MOB1B: variants seen among roughly 807,000 people sequenced by gnomAD.
The protein encoded by MOB1B is MOB kinase activator 1B.
Under a neutral mutation model 24.4 loss-of-function variants are expected in MOB1B, and 19 were observed. That is an observed-to-expected ratio of 0.78 (90% CI 0.54 to 1.14). The LOEUF (loss-of-function observed/expected upper bound fraction) is 1.14, where lower values mean the gene tolerates loss of function less well. Ranked by LOEUF, MOB1B falls within the 50% of genes most tolerant of loss-of-function variation. The pLI, the probability that MOB1B is intolerant of heterozygous loss-of-function variation, is 0.00. For synonymous variants in MOB1B, 76 were observed against 82.1 expected, an observed-to-expected ratio of 0.93 and a Z score of 0.40; for missense variants, 243 against 259.6, an observed-to-expected ratio of 0.94 and a Z score of 0.44.
In MOB1B at chr4:70,958,919, A is replaced by C. The variant is rs1738183159; in HGVS notation, c.60A>C (p.Pro20=). Residue 20 remains proline (P), a synonymous_variant, in exon 2 of 6, where the codon CCA becomes CCC. Transcript: ENST00000309395. The part of the protein sequence containing the change: ...SKTFKPKKNI[P]EGSHQYELLK... The stretch of plus-strand genomic sequence containing the variant: ...CTTTTAAACCAAAGAAGAACATTCC[A>C]GAGGGTTCTCACCAGTATGAGCTCT... 6.2e-7 allele frequency: 1 copy of C among 1,613,896 alleles called. No individual in the cohort carries two copies. Among genetic ancestry groups the C allele is most frequent in the Admixed American group, 1.7e-5 (1 of 59,978 alleles).
At chr4:70,949,379 A>T (rs1201001423) in intron 1 of MOB1B, among the ~76,000 whole-genome samples, 1 of 152,214 alleles carries the variant, frequency 6.6e-6, no homozygotes, top group Admixed American at 6.5e-5. Context: ...TTCAATACTC[A>T]TAGCTTTTAG....
intron 2 of MOB1B, among the ~76,000 whole-genome samples, chr4:70,968,175 A>C (rs907408542): frequency 6.6e-6 from 1 of 152,126 alleles, no homozygotes; most frequent in Non-Finnish European, 1.5e-5. Context: ...AAATTTATAC[A>C]TGTCAAAAGT....
intron 1 of MOB1B, among the ~76,000 whole-genome samples, chr4:70,927,067 G>A (rs780271025): frequency 2.6e-5 from 4 of 151,636 alleles, no homozygotes; most frequent in Non-Finnish European, 4.4e-5. Context: ...GGAGACCAGC[G>A]TGTTACATAG....
intron 2 of MOB1B, among the ~76,000 whole-genome samples, chr4:70,963,829 A>G (rs1738398744): frequency 6.7e-6 from 1 of 148,916 alleles, no homozygotes; most frequent in South Asian, 2.1e-4. Context: ...CAAAAGAAGA[A>G]AAAAACAAAA....
At chr4:70,927,798 C>G (rs1368222726) in intron 1 of MOB1B, among the ~76,000 whole-genome samples, 2 of 152,034 alleles carry the variant, frequency 1.3e-5, no homozygotes, top group African/African-American at 4.8e-5. Context: ...TTCACTTGGG[C>G]ATTTCAGGTA....
chr4:70,952,584 A>G (rs1307445916), intron 1 of MOB1B, among the ~76,000 whole-genome samples: 1 of 145,786 alleles, frequency 6.9e-6, no homozygotes, highest in Non-Finnish European at 1.5e-5. Context: ...CGGAGCTTGC[A>G]GTGAGCCAAG....
chr4:70,902,662 C>A (rs1735562662), intron 1 of MOB1B, 112 bp downstream of exon 1: 1 of 1,051,198 alleles, frequency 9.5e-7, no homozygotes, highest in Non-Finnish European at 1.3e-6. Flanking sequence ...CCCAGCGCTC[C>A]CGGGGCCCGG....
intron 2 of MOB1B, among the ~76,000 whole-genome samples, chr4:70,961,927 C>G (rs2148895525): frequency 6.6e-6 from 1 of 152,126 alleles, no homozygotes; most frequent in South Asian, 2.1e-4. Flanking sequence ...AAAAATAATC[C>G]TGAAGAATAT....
chr4:70,976,668 T>C, intron 4 of MOB1B: 1 of 967,094 alleles, frequency 1.0e-6, no homozygotes, highest in Non-Finnish European at 1.2e-6. Flanking sequence ...TAGTTGTTGT[T>C]ATGGAGTACT....
At chr4:70,952,680 A>T (rs1049510227) in intron 1 of MOB1B, among the ~76,000 whole-genome samples, 3 of 151,380 alleles carry the variant, frequency 2.0e-5, no homozygotes, top group Non-Finnish European at 4.4e-5. Context: ...ACAAAAAAAA[A>T]ACTTTCTAAT....
intron 1 of MOB1B, among the ~76,000 whole-genome samples, chr4:70,952,425 C>T (rs1215627694): frequency 3.3e-5 from 5 of 151,796 alleles, no homozygotes; most frequent in South Asian, 4.2e-4. Flanking sequence ...GGGCGGATCA[C>T]GAGGTCAGGA....
chr4:70,908,095 G>T (rs1273295521), intron 1 of MOB1B, among the ~76,000 whole-genome samples: 1 of 150,158 alleles, frequency 6.7e-6, no homozygotes, highest in Non-Finnish European at 1.5e-5. Context: ...GCGCGATCTC[G>T]GCTCACTGCA....
intron 1 of MOB1B, among the ~76,000 whole-genome samples, chr4:70,912,647 A>G (rs993939673): frequency 1.3e-5 from 2 of 152,168 alleles, no homozygotes; most frequent in African/African-American, 2.4e-5. Context: ...GAACTTCCAC[A>G]TATTCCTTAT....
intron 1 of MOB1B, among the ~76,000 whole-genome samples, chr4:70,937,225 C>CT: frequency 6.6e-6 from 1 of 151,456 alleles, no homozygotes; most frequent in East Asian, 2.0e-4. Flanking sequence ...TTCTCTAATA[C>CT]TTTTTTATTG....
chr4:70,969,226 G>A lies in MOB1B; in HGVS notation c.182-705G>A, dbSNP rs550770260. Among the ~76,000 whole-genome samples the A allele has an allele frequency of 1.1e-3, 161 of 152,106 alleles. 1 individual carries two copies. Among genetic ancestry groups the A allele is most frequent in the Non-Finnish European group, 2.0e-3 (133 of 68,026 alleles). On this transcript the variant is annotated intron_variant, in intron 2 of 5. Transcript: ENST00000309395. Reference sequence around the variant, plus strand: ...GGCTCACTGCAGCCTGACTTCCTCGGCTCAAGGAATCCTCCCACCTCACCC... The same window carrying A: ...GGCTCACTGCAGCCTGACTTCCTCGACTCAAGGAATCCTCCCACCTCACCC...
chr4:70,952,148 G>A (rs1283054514), intron 1 of MOB1B, among the ~76,000 whole-genome samples: 2 of 152,120 alleles, frequency 1.3e-5, no homozygotes, highest in Admixed American at 1.3e-4. Context: ...AGTGTTGTTT[G>A]TGGTAGCAGA....
intron 5 of MOB1B, among the ~76,000 whole-genome samples, chr4:70,981,402 G>A (rs1241983419): frequency 1.3e-5 from 2 of 152,154 alleles, no homozygotes; most frequent in Non-Finnish European, 2.9e-5. Context: ...ATGACGGGTG[G>A]AATTTCTAAA....
chr4:70,960,197 T>C (rs1032583315), intron 2 of MOB1B, among the ~76,000 whole-genome samples: 1 of 152,000 alleles, frequency 6.6e-6, no homozygotes, highest in Non-Finnish European at 1.5e-5. Flanking sequence ...TGCTTATTTT[T>C]TAAAAAAAGA....
In MOB1B at chr4:70,979,238, C is replaced by T; in HGVS notation, c.520C>T (p.Gln174Ter). 2 of 1,613,890 alleles carry T rather than the reference C, an allele frequency of 1.2e-6. No homozygotes were observed. The highest frequency in any genetic ancestry group is 1.7e-6 in the Non-Finnish European group (2 of 1,179,878). Residue 174 changes from glutamine to a stop codon, truncating the protein, a stop_gained, in exon 5 of 6, where the codon CAG (glutamine) becomes TAG (stop). Coordinates refer to ENST00000309395, the MANE Select transcript of MOB1B (RefSeq NM_173468.4). LOFTEE classifies it high-confidence loss of function. ...GCATTTTGACCCTGTGATCCAGCTT[C>T]AGGAGGAAGCACATCTAAATACATC... is the stretch of plus-strand genomic sequence containing the variant. ...HQHFDPVIQL[Q>*]EEAHLNTSFK...
Sources: allele counts gnomAD v4.1 joint callset (sites outside exome capture counted in the v4.1 genomes callset), GRCh38; gene constraint gnomAD v4.1.1; transcripts MANE v1.5; gene names NCBI Gene and HGNC (gene_info 2026-07-23, HGNC 2026-07-21).